A2M: variants seen among roughly 807,000 people sequenced by gnomAD.
A2M encodes the protein alpha-2-macroglobulin.
In A2M, 128 loss-of-function variants were observed where a neutral mutation model predicts 183.9. The observed-to-expected ratio is 0.70, with a 90% CI of 0.60 to 0.81. The LOEUF is 0.81. Ranked by LOEUF, A2M falls within the 30% of genes least tolerant of loss-of-function variation. The pLI is 0.00. For synonymous variants in A2M, 592 were observed against 670.8 expected (o/e 0.88, Z 1.81); for missense variants, 1,495 against 1,787.6 (o/e 0.84, Z 2.95).
chr12:9,074,892 C>A (rs1156712966), intron 28 of A2M, 109 bp from the exon 29 acceptor site: 2 of 1,140,766 alleles, frequency 1.8e-6, no homozygotes, highest in Non-Finnish European at 2.5e-6. Context: ...CATTATAATC[C>A]CCTGTACTGT....
In A2M at chr12:9,067,762, G is replaced by T. The variant is rs758405590; in HGVS notation, c.*61C>A. On this transcript the variant is annotated 3_prime_UTR_variant, in exon 36 of 36. Transcript: ENST00000318602. ...CAAGTCTTTAAAGATACAAAAACAC[G>T]TGTCTTCTGTGGAGCTCTGAGAACA... is the stretch of plus-strand genomic sequence containing the variant. 164 of 1,523,608 alleles carry T rather than the reference G, an allele frequency of 1.1e-4. No homozygotes were observed. Among genetic ancestry groups the T allele is most frequent in the Non-Finnish European group, 1.4e-4 (150 of 1,101,602 alleles). 94.4% of individuals were successfully genotyped at this position (1,523,608 alleles called of 1,614,324 possible).
Position 9,098,730 on chromosome 12 carries a change from TTGTGA to T in A2M, c.1723_1727del (p.Ser575LysfsTer34). 1 of 1,613,030 alleles carries T rather than the reference TTGTGA, an allele frequency of 6.2e-7. No individual in the cohort carries two copies. The highest frequency in any genetic ancestry group is 8.5e-7 in the Non-Finnish European group (1 of 1,179,768). On this transcript the variant is annotated frameshift_variant, in exon 15 of 36. Coordinates refer to ENST00000318602, the MANE Select transcript of A2M (RefSeq NM_000014.6). LOFTEE classifies it high-confidence loss of function. ...GGTGGGCGTGTGAGGCTGGGAGACT[TTGTGA>T]TGGGCTGAAGCTCAAATCCACCTGT...
At chr12:9,112,012 A>T in intron 4 of A2M, 147 bp downstream of exon 4, 1 of 821,294 alleles carries the variant, frequency 1.2e-6, no homozygotes, top group Non-Finnish European at 2.2e-6. Flanking sequence ...ATGATGTTTT[A>T]GATTAGGATC....
At chr12:9,098,818 G>T (rs375931451) in intron 14 of A2M, 62 bp from the exon 15 acceptor site, 2 of 1,561,494 alleles carry the variant, frequency 1.3e-6, no homozygotes, top group Non-Finnish European at 1.7e-6. Flanking sequence ...GCATTCACTC[G>T]CATTTGCAGA....
chr12:9,109,204 C>A, intron 7 of A2M, 117 bp downstream of exon 7: 1 of 710,418 alleles, frequency 1.4e-6, no homozygotes, highest in South Asian at 1.8e-5. Flanking sequence ...AGGATGCTGT[C>A]AAAGCACTTA....
chr12:9,072,286 A>G, intron 31 of A2M, 73 bp downstream of exon 31: 1 of 1,535,976 alleles, frequency 6.5e-7, no homozygotes, highest in South Asian at 1.2e-5. Flanking sequence ...GCACTGCTTT[A>G]CTTAAAGAGG....
Position 9,094,961 on chromosome 12 carries a change from T to C in A2M, c.2125+12A>G. ...ATATTAGGCAATATATATTTATTAA[T>C]TTTTTGTTTACCATAAAAACCTACA... On this transcript the variant is annotated intron_variant, in intron 17 of 35. Transcript: ENST00000318602. 1 of 1,405,256 alleles carries C rather than the reference T, an allele frequency of 7.1e-7. No homozygotes were observed. The highest frequency in any genetic ancestry group is 9.6e-7 in the Non-Finnish European group (1 of 1,042,498). 87.0% of individuals were successfully genotyped at this position (1,405,256 alleles called of 1,614,324 possible).
Position 9,106,345 on chromosome 12 carries a change from A to C in A2M, c.995T>G (p.Val332Gly). Residue 332 changes from valine to glycine, a missense_variant and splice_region_variant, in exon 10 of 36, where the codon GTG becomes GGG. By Grantham distance (109) the Val-to-Gly change is moderately radical. Coordinates refer to ENST00000318602, the MANE Select transcript of A2M (RefSeq NM_000014.6). Reference protein sequence around the residue: ...TEAQIQEEGTVVELTGRQSSE... With the variant: ...TEAQIQEEGTGVELTGRQSSE... ...GGACTGCCTTCCAGTCAATTCCACC[A>C]CTGAAAAAAGAGAAAAAAATCTGTT... 6.3e-7 allele frequency: 1 copy of C among 1,595,738 alleles called. No homozygotes were observed. The highest frequency in any genetic ancestry group is 8.6e-7 in the Non-Finnish European group (1 of 1,167,148).
At chr12:9,077,242 A>C (rs1218204288) in intron 27 of A2M, 104 bp downstream of exon 27, 1 of 1,130,660 alleles carries the variant, frequency 8.8e-7, no homozygotes. Flanking sequence ...GCATAGAAAG[A>C]AAGCTGATGC....
At chr12:9,088,926 C>T (rs773393750) in intron 22 of A2M, among the ~76,000 whole-genome samples, 1 of 151,916 alleles carries the variant, frequency 6.6e-6, no homozygotes, top group Admixed American at 6.5e-5. Flanking sequence ...TTGATTCTAC[C>T]CACTTTCTAC....
Position 9,101,594 on chromosome 12 carries a change from A to G in A2M, c.1347T>C (p.Tyr449=). Reference sequence around the variant, plus strand: ...AGCTCTTGCTTGGGGAGAACACAAGATAAGCAGTGTGATGTGCCTCTTCGT... The same window carrying G: ...AGCTCTTGCTTGGGGAGAACACAAGGTAAGCAGTGTGATGTGCCTCTTCGT... ...EEHEEAHHTA[Y]LVFSPSKSFV... Residue 449 remains tyrosine, a synonymous_variant, in exon 12 of 36, where the codon TAT becomes TAC. Transcript: ENST00000318602. 3.7e-6 allele frequency: 6 copies of G among 1,614,018 alleles called. No homozygotes were observed. Among genetic ancestry groups the G allele is most frequent in the Non-Finnish European group, 5.1e-6 (6 of 1,179,902 alleles).
chr12:9,093,352 T>C, intron 18 of A2M, 113 bp downstream of exon 18: 1 of 700,678 alleles, frequency 1.4e-6, no homozygotes. Context: ...TATCAAAACA[T>C]CATGTTGTAC....
At chr12:9,111,649 A>G (rs942320168) in intron 4 of A2M, 2 of 405,916 alleles carry the variant, frequency 4.9e-6, no homozygotes, top group Non-Finnish European at 9.6e-6. Context: ...TGAGATAAGA[A>G]AATGTGAAGA....
intron 1 of A2M, 139 bp from the exon 2 acceptor site, chr12:9,113,682 G>C (rs1033010963): frequency 5.1e-6 from 4 of 787,228 alleles, no homozygotes. Flanking sequence ...AAATTTGGCC[G>C]TTGAAGGCCA....
chr12:9,080,169 C>T lies in A2M; in HGVS notation c.2779G>A (p.Val927Ile). 1.3e-6 allele frequency: 2 copies of T among 1,578,744 alleles called. No individual in the cohort carries two copies. Among genetic ancestry groups the T allele is most frequent in the Admixed American group, 1.8e-5 (1 of 56,018 alleles). Residue 927 changes from valine (V) to isoleucine (I), a missense_variant, in exon 23 of 36, where the codon GTT (valine) becomes ATT (isoleucine). Transcript: ENST00000318602. ...NSLLCPSGGE[V>I]SEELSLKLPP... Reference sequence around the variant, plus strand: ...AGTTTCAGGGATAATTCTTCAGAAACCTCACCACCTAGAGAAATAAGCAAA... The same window carrying T: ...AGTTTCAGGGATAATTCTTCAGAAATCTCACCACCTAGAGAAATAAGCAAA...
At chr12:9,095,872 G>A (rs951804909) in intron 15 of A2M, among the ~76,000 whole-genome samples, 172 bp from the exon 16 acceptor site, 8 of 145,174 alleles carry the variant, frequency 5.5e-5, no homozygotes, top group Non-Finnish European at 1.0e-4. Flanking sequence ...CCATTCTCCT[G>A]CCTCAGCCTC....
rs771355677 is a variant in A2M, at chr12:9,089,217, G to C, written c.2753C>G (p.Ser918Cys). 67 of 1,590,042 alleles carry C rather than the reference G, an allele frequency of 4.2e-5. No individual in the cohort carries two copies. In the South Asian group the frequency reaches 7.5e-4, roughly 18 times the overall value. Residue 918 changes from serine (S) to cysteine (C), a missense_variant, in exon 22 of 36, where the codon TCC (serine) becomes TGC (cysteine). Coordinates refer to ENST00000318602, the MANE Select transcript of A2M (RefSeq NM_000014.6). The stretch of plus-strand genomic sequence containing the variant: ...ACTCTTACCTGATGGACAAAGTAGG[G>C]AGTTGAATGTTGTTTCCTTCTCTAG... The part of the protein sequence containing the change: ...EGLEKETTFN[S>C]LLCPSGGEVS...
At position 9,101,445 on chromosome 12, in the gene A2M, A is replaced by G. The variant is rs1235260782; in HGVS notation, c.1494+2T>C. The G allele has an allele frequency of 6.2e-7, 1 of 1,609,022 alleles. No individual in the cohort carries two copies. The highest frequency in any genetic ancestry group is 8.5e-7 in the Non-Finnish European group (1 of 1,175,846). The stretch of plus-strand genomic sequence containing the variant: ...AGTCAACGCAGTAACCTCCCTTCTC[A>G]CCAGATAATAGAAGGAGAGCTTCTT... On this transcript the variant is annotated splice_donor_variant, in intron 12 of 35. Transcript: ENST00000318602. LOFTEE classifies it high-confidence loss of function.
Position 9,067,788 on chromosome 12 carries a change from G to T in A2M, c.*35C>A, listed in dbSNP as rs760407113. The T allele has an allele frequency of 3.7e-6, 6 of 1,608,478 alleles. No individual in the cohort carries two copies. The highest frequency in any genetic ancestry group is 4.5e-5 in the East Asian group (2 of 44,816). On this transcript the variant is annotated 3_prime_UTR_variant, in exon 36 of 36. Transcript: ENST00000318602. ...TGTCTTCTGTGGAGCTCTGAGAACA[G>T]GACTCCAGCAAAGCACTTTTCAGCC... is the stretch of plus-strand genomic sequence containing the variant.
Sources: gnomAD v4.1 joint callset for allele counts (sites outside exome capture counted in the v4.1 genomes callset) on GRCh38, gnomAD v4.1.1 for gene constraint, MANE v1.5 for transcripts, NCBI Gene and HGNC (gene_info 2026-07-23, HGNC 2026-07-21) for gene names.